ZNF707: variants seen among roughly 807,000 people sequenced by gnomAD.
The protein encoded by ZNF707 is zinc finger protein 707.
In ZNF707, 8 loss-of-function variants were observed where a neutral mutation model predicts 13.3. The observed-to-expected ratio is 0.60, with a 90% CI of 0.35 to 1.09. ZNF707 has a LOEUF of 1.09. ZNF707 is among the 50% of genes least tolerant of loss of function. ZNF707 has a pLI of 0.02. For synonymous variants in ZNF707, 225 were observed against 205.6 expected, an observed-to-expected ratio of 1.09 and a Z score of -0.81; for missense variants, 530 against 512.6, an observed-to-expected ratio of 1.03 and a Z score of -0.33.
intron 3 of ZNF707, chr8:143,690,489 G>A (rs1232673507): frequency 2.0e-5 from 5 of 251,766 alleles, no homozygotes; most frequent in African/African-American, 1.1e-4. Flanking sequence ...CTTGAACCTG[G>A]GAGGCGGAGG....
At chr8:143,691,280 A>G in intron 4 of ZNF707, 81 bp downstream of exon 4, 3 of 1,519,864 alleles carry the variant, frequency 2.0e-6, no homozygotes, top group Non-Finnish European at 2.6e-6. Flanking sequence ...CAGCTCGTCC[A>G]GGACAGTAGT....
Position 143,693,535 on chromosome 8 carries a change from T to C in ZNF707, c.257-136T>C, listed in dbSNP as rs1346576844. 8 of 926,892 alleles carry C rather than the reference T, an allele frequency of 8.6e-6. No homozygotes were observed. The highest frequency in any genetic ancestry group is 3.4e-5 in the African/African-American group (2 of 59,036). 57.4% of individuals were successfully genotyped at this position (926,892 alleles called of 1,614,324 possible). On this transcript the variant is annotated intron_variant, in intron 5 of 5. Coordinates refer to ENST00000358656, the MANE Select transcript of ZNF707 (RefSeq NM_001100598.2). This position sits in a 1 kb window ranked among gnomAD's most constrained non-coding sequence, Gnocchi z 4.1. ...TGGTCTCGATCTCCTGACCTCATGA[T>C]CCACCCGCCTCGGCCTCCCAAAGTG...
chr8:143,694,714 G>A lies in ZNF707; in HGVS notation c.*184G>A. The A allele has an allele frequency of 7.3e-6, 5 of 681,648 alleles. No individual in the cohort carries two copies. The highest frequency in any genetic ancestry group is 1.2e-5 in the Non-Finnish European group (5 of 427,086). The allele number at this position is 681,648 out of a possible 1,614,324, so 42.2% of individuals were successfully genotyped here. A position where few individuals can be genotyped will look rare whatever the true frequency, so the allele number is the denominator to read the frequency against. On this transcript the variant is annotated 3_prime_UTR_variant, in exon 6 of 6. Transcript: ENST00000358656. This position sits in a 1 kb window ranked among gnomAD's most constrained non-coding sequence, Gnocchi z 4.4. ...AAAACTGCCAGGTGGGAGAAGCAGA[G>A]CCATGGGTACGCCGGAGATGGCGGG...
rs1369814105 is a variant in ZNF707 at position 143,693,105 on chromosome 8, G to A, written c.257-566G>A. On this transcript the variant is annotated intron_variant, in intron 5 of 5. Transcript: ENST00000358656. The surrounding 1 kb of genome is among the most constrained non-coding windows in gnomAD (Gnocchi z 4.1). ...GGCTCTCCCTCACGTCAGCAGTGCC[G>A]GGTGGCCTGCGTACCACCGGGGCTG... 2.0e-5 allele frequency among the ~76,000 whole-genome samples: 3 copies of A among 152,124 alleles called. No homozygotes were observed. The highest frequency in any genetic ancestry group is 2.4e-5 in the African/African-American group (1 of 41,420).
Position 143,693,870 on chromosome 8 carries a change from G to T in ZNF707, c.456G>T (p.Val152=). The change falls in exon 6 of 6, where the codon GTG becomes GTT. Residue 152 remains valine, a synonymous_variant. Coordinates refer to ENST00000358656, the MANE Select transcript of ZNF707 (RefSeq NM_001100598.2). This position sits in a 1 kb window ranked among gnomAD's most constrained non-coding sequence, Gnocchi z 4.1. ...DAKPTAFPCQ[V]LTQRCGRRPG... is the part of the protein sequence containing the mutation. Reference sequence around the variant, plus strand: ...AGCCCACGGCTTTCCCGTGTCAGGTGCTCACGCAGCGTTGTGGGCGGCGGC... The same window carrying T: ...AGCCCACGGCTTTCCCGTGTCAGGTTCTCACGCAGCGTTGTGGGCGGCGGC... 6.2e-7 allele frequency: 1 copy of T among 1,609,504 alleles called. No homozygotes were observed. The highest frequency in any genetic ancestry group is 1.1e-5 in the South Asian group (1 of 90,896).
rs1554614606 is a variant in ZNF707, at chr8:143,694,132, G to C, written c.718G>C (p.Ala240Pro). ...KPFCCEACGQ[A>P]FSLKDRLAQH... ...CTTCTGCTGCGAGGCCTGCGGGCAG[G>C]CGTTCAGCCTGAAGGACCGCCTGGC... is the stretch of plus-strand genomic sequence containing the variant. The change falls in exon 6 of 6, where the codon GCG becomes CCG. Residue 240 changes from alanine to proline, a missense_variant. By Grantham distance (27) the Ala-to-Pro change is conservative. Transcript: ENST00000358656. This position sits in a 1 kb window ranked among gnomAD's most constrained non-coding sequence, Gnocchi z 4.4. 1 of 1,597,168 alleles carries C rather than the reference G, an allele frequency of 6.3e-7. No homozygotes were observed. The highest frequency in any genetic ancestry group is 1.7e-5 in the Admixed American group (1 of 58,474).
rs1563734551 is a variant in ZNF707, at chr8:143,694,998, T to C, written c.*468T>C. 1.8e-5 allele frequency: 3 copies of C among 166,516 alleles called. No homozygotes were observed. Among genetic ancestry groups the C allele is most frequent in the African/African-American group, 7.2e-5 (3 of 41,786 alleles). 10.3% of individuals were successfully genotyped at this position (166,516 alleles called of 1,614,324 possible). ...GTCTCTGTCTTGGGCGAGGCAGCTG[T>C]GAGCATTGCACAGAGGCAAAGACCC... On this transcript the variant is annotated 3_prime_UTR_variant, in exon 6 of 6. Transcript: ENST00000358656. This position sits in a 1 kb window ranked among gnomAD's most constrained non-coding sequence, Gnocchi z 4.4.
At position 143,693,633 on chromosome 8, in the gene ZNF707, C is replaced by T; in HGVS notation, c.257-38C>T. The T allele has an allele frequency of 6.7e-7, 1 of 1,501,892 alleles. No individual in the cohort carries two copies. Among genetic ancestry groups the T allele is most frequent in the Non-Finnish European group, 8.9e-7 (1 of 1,126,786 alleles). 93.0% of individuals were successfully genotyped at this position (1,501,892 alleles called of 1,614,324 possible). A position where few individuals can be genotyped will look rare whatever the true frequency, so the allele number is the denominator to read the frequency against. On this transcript the variant is annotated intron_variant, in intron 5 of 5. Transcript: ENST00000358656. This position sits in a 1 kb window ranked among gnomAD's most constrained non-coding sequence, Gnocchi z 4.1. The stretch of plus-strand genomic sequence containing the variant: ...GCTGGAGGCACTGCCTGGCTGTGGG[C>T]CACTGGCTCTGTGTAAGGGTGTCTG...
Position 143,694,042 on chromosome 8 carries a change from G to C in ZNF707, c.628G>C (p.Gly210Arg). The C allele has an allele frequency of 6.2e-7, 1 of 1,607,288 alleles. No individual in the cohort carries two copies. Among genetic ancestry groups the C allele is most frequent in the African/African-American group, 1.3e-5 (1 of 74,982 alleles). The change falls in exon 6 of 6, where the codon GGC (glycine) becomes CGC (arginine). Residue 210 changes from glycine (G) to arginine (R), a missense_variant. Coordinates refer to ENST00000358656, the MANE Select transcript of ZNF707 (RefSeq NM_001100598.2). This position sits in a 1 kb window ranked among gnomAD's most constrained non-coding sequence, Gnocchi z 4.4. ...CAAGGCCTTCGAGTGCCCCGAGTGC[G>C]GCCAGACCTTCCGGTGGGCTTCAAA... ...GTKAFECPECGQTFRWASNLQ... is the reference protein window; with the variant it reads ...GTKAFECPECRQTFRWASNLQ...
chr8:143,686,496 C>A (rs1003843498), intron 1 of ZNF707, among the ~76,000 whole-genome samples: 3 of 152,122 alleles, frequency 2.0e-5, no homozygotes, highest in African/African-American at 7.2e-5. Context: ...TTTTATAGAC[C>A]GTTGTATAAC....
rs781796251 is a variant in ZNF707, at chr8:143,694,338, G to C, written c.924G>C (p.Arg308Ser). ...RTKENLSHHQ[R>S]VHSGEKPYTC... ...AGGAGAACCTCAGCCACCACCAGAG[G>C]GTCCACAGCGGGGAGAAGCCCTACA... The change falls in exon 6 of 6, where the codon AGG becomes AGC. Residue 308 changes from arginine (R) to serine (S), a missense_variant. Transcript: ENST00000358656. This position sits in a 1 kb window ranked among gnomAD's most constrained non-coding sequence, Gnocchi z 4.4. 157 of 1,606,656 alleles carry C rather than the reference G, an allele frequency of 9.8e-5. No homozygotes were observed. Among genetic ancestry groups the C allele is most frequent in the Non-Finnish European group, 1.3e-4 (155 of 1,175,464 alleles).
intron 1 of ZNF707, chr8:143,684,921 A>C (rs1816119176): frequency 6.6e-6 from 1 of 152,058 alleles, no homozygotes; most frequent in African/African-American, 2.4e-5. Context: ...CATAACACCC[A>C]AAGCTCCCCG....
chr8:143,686,563 T>A (rs970166722), intron 1 of ZNF707, among the ~76,000 whole-genome samples: 19 of 152,376 alleles, frequency 1.2e-4, no homozygotes, highest in African/African-American at 4.6e-4. Context: ...TTTCTCTTTT[T>A]TATTGATTTG....
chr8:143,692,412 T>C (rs1410174195), intron 5 of ZNF707: 1 of 1,162,226 alleles, frequency 8.6e-7, no homozygotes, highest in African/African-American at 1.7e-5. Flanking sequence ...TCCCCGGGTG[T>C]GTGGAGCCCC....
intron 1 of ZNF707, chr8:143,684,965 C>T (rs561040339): frequency 1.0e-4 from 16 of 152,452 alleles, no homozygotes; most frequent in African/African-American, 3.4e-4. Flanking sequence ...CTCCACACCC[C>T]ACCCTCTGGT....
chr8:143,692,147 T>C, intron 5 of ZNF707: 3 of 1,301,020 alleles, frequency 2.3e-6, no homozygotes, highest in Non-Finnish European at 3.0e-6. Flanking sequence ...ACGTCCTTGT[T>C]TGCAAAACTG....
At chr8:143,692,514 G>C (rs369649443) in intron 5 of ZNF707, among the ~76,000 whole-genome samples, 5 of 88,886 alleles carry the variant, frequency 5.6e-5, no homozygotes, top group Non-Finnish European at 8.9e-5. Context: ...GGCTGGGGAG[G>C]TGTCGGATCC....
In ZNF707 at chr8:143,693,938, C is replaced by T. The variant is rs377311170; in HGVS notation, c.524C>T (p.Ser175Leu). 3.1e-6 allele frequency: 5 copies of T among 1,605,542 alleles called. No individual in the cohort carries two copies. The highest frequency in any genetic ancestry group is 2.7e-5 in the African/African-American group (2 of 74,810). ...ERRKQRAVEL[S>L]FICGTCGKAL... ...CGGAAGCAGCGCGCAGTAGAGCTGT[C>T]ATTCATCTGCGGCACGTGCGGGAAG... is the stretch of plus-strand genomic sequence containing the variant. The change falls in exon 6 of 6, where the codon TCA becomes TTA. Residue 175 changes from serine to leucine, a missense_variant. By Grantham distance (145) the Ser-to-Leu change is moderately radical (BLOSUM62 -2). Coordinates refer to ENST00000358656, the MANE Select transcript of ZNF707 (RefSeq NM_001100598.2). The surrounding 1 kb of genome is among the most constrained non-coding windows in gnomAD (Gnocchi z 4.1).
intron 1 of ZNF707, 179 bp from the exon 2 acceptor site, chr8:143,689,025 G>C (rs1265629403): frequency 6.6e-6 from 1 of 152,254 alleles, no homozygotes; most frequent in Non-Finnish European, 1.5e-5. Flanking sequence ...TCTAAGATCA[G>C]TACTGTGCTT....
Sources: gnomAD v4.1 joint callset for allele counts (sites outside exome capture counted in the v4.1 genomes callset) on GRCh38, gnomAD v4.1.1 for gene constraint, Gnocchi (gnomAD v3.1) non-coding constraint, MANE v1.5 for transcripts, NCBI Gene and HGNC (gene_info 2026-07-23, HGNC 2026-07-21) for gene names.